Variants in SLC39A11 observed in about 807,000 individuals in gnomAD.
The protein encoded by SLC39A11 is solute carrier family 39 member 11.
Under a neutral mutation model 36.1 loss-of-function variants are expected in SLC39A11, and 33 were observed. The ratio of observed to expected loss-of-function variants is 0.91; its 90% CI spans 0.69 to 1.22. The LOEUF is 1.22. Ranked by LOEUF, SLC39A11 falls within the 50% of genes most tolerant of loss-of-function variation. The pLI is 0.00. For missense variants in SLC39A11, 432 were observed against 430.3 expected (o/e 1.00, Z -0.03); for synonymous variants, 166 against 170.3 (o/e 0.97, Z 0.20).
chr17:72,666,344 A>C (rs912361277), intron 7 of SLC39A11, among the ~76,000 whole-genome samples: 1 of 152,212 alleles, frequency 6.6e-6, no homozygotes, highest in Non-Finnish European at 1.5e-5. Flanking sequence ...CCACTCCAAG[A>C]GGAAACTCCA....
At chr17:72,821,066 T>C (rs745582414) in intron 6 of SLC39A11, among the ~76,000 whole-genome samples, 3 of 151,088 alleles carry the variant, frequency 2.0e-5, no homozygotes, top group Non-Finnish European at 4.4e-5. Context: ...CAGATTAATA[T>C]GTAGATGTCC....
intron 6 of SLC39A11, among the ~76,000 whole-genome samples, chr17:72,819,583 A>C (rs2077697854): frequency 6.6e-6 from 1 of 151,248 alleles, no homozygotes; most frequent in Admixed American, 6.6e-5. Context: ...ACTAAGAGCG[A>C]GTGAAGGTGA....
At chr17:72,984,387 A>G (rs2088560332) in intron 4 of SLC39A11, among the ~76,000 whole-genome samples, 1 of 152,078 alleles carries the variant, frequency 6.6e-6, no homozygotes, top group African/African-American at 2.4e-5. Context: ...TTAAAAAAAA[A>G]AAAAAAGAAA....
intron 7 of SLC39A11, 46 bp from the exon 8 acceptor site, chr17:72,649,314 G>C (rs943165708): frequency 6.4e-7 from 1 of 1,564,926 alleles, no homozygotes; most frequent in South Asian, 1.1e-5. Context: ...TGGAATAGGT[G>C]CTCACACAAT....
chr17:72,773,644 T>TCAC (rs1555667365), intron 6 of SLC39A11, among the ~76,000 whole-genome samples: 3 of 78,814 alleles, frequency 3.8e-5, no homozygotes, highest in Non-Finnish European at 7.5e-5. Context: ...GAGACCATCT[T>TCAC]ACACACACAC....
intron 3 of SLC39A11, chr17:73,073,851 A>G (rs1286420086): frequency 6.6e-6 from 1 of 152,174 alleles, no homozygotes; most frequent in Non-Finnish European, 1.5e-5. Context: ...GAGAAAAACC[A>G]TAGCTCAGAG....
chr17:72,782,769 G>C (rs2076365817), intron 6 of SLC39A11, among the ~76,000 whole-genome samples: 1 of 150,138 alleles, frequency 6.7e-6, no homozygotes. Flanking sequence ...GGGAGGCCAA[G>C]GCGGGTGGAT....
rs528879636 is a variant in SLC39A11, at chr17:72,970,058, C to G, written c.307-22183G>C. On this transcript the variant is annotated intron_variant, in intron 4 of 9. Transcript: ENST00000255559. ...TTCCCAGCATCCCCAGAGCACTTAT[C>G]TTTTGTTCCAAAAAAATGTTAATAG... is the stretch of plus-strand genomic sequence containing the variant. Among the ~76,000 whole-genome samples the G allele has an allele frequency of 5.9e-5, 9 of 152,308 alleles. No homozygotes were observed. In the South Asian group the frequency reaches 1.9e-3, roughly 32 times the overall value.
chr17:72,806,726 G>T (rs2077269353), intron 6 of SLC39A11, among the ~76,000 whole-genome samples: 1 of 152,156 alleles, frequency 6.6e-6, no homozygotes, highest in Non-Finnish European at 1.5e-5. Context: ...GGGATTACAG[G>T]CGCCCGTCAC....
chr17:73,061,483 A>G (rs9915000), intron 3 of SLC39A11, among the ~76,000 whole-genome samples: 126,900 of 152,212 alleles, frequency 0.83, 53,150 homozygotes, highest in East Asian at 0.94. Context: ...AAGTCAGTTG[A>G]TTGTGAAATT....
chr17:72,874,952 A>G (rs2080818882), intron 5 of SLC39A11, among the ~76,000 whole-genome samples: 1 of 152,200 alleles, frequency 6.6e-6, no homozygotes. Context: ...AAGCTAAAGA[A>G]TATTACAGTG....
chr17:72,841,070 A>AAAAATAT (rs1467839704), intron 6 of SLC39A11, among the ~76,000 whole-genome samples: 1 of 152,096 alleles, frequency 6.6e-6, no homozygotes, highest in Admixed American at 6.5e-5. Flanking sequence ...ATAAAAAATA[A>AAAAATAT]AAAATTAGGA....
In SLC39A11 at chr17:73,053,055, G is replaced by C. The variant is rs117207291; in HGVS notation, c.148-21341C>G. ...CTTAATGTATTCTAATCTTTTTCTT[G>C]TTATGTTGGTGGTTACATATTACTC... On this transcript the variant is annotated intron_variant, in intron 3 of 9. Coordinates refer to ENST00000255559, the MANE Select transcript of SLC39A11 (RefSeq NM_139177.4). 2.7e-3 allele frequency among the ~76,000 whole-genome samples: 404 copies of C among 152,102 alleles called. 5 individuals are homozygous for C. In the East Asian group the frequency reaches 0.038, roughly 14 times the overall value.
intron 5 of SLC39A11, among the ~76,000 whole-genome samples, chr17:72,858,326 T>G (rs1266934464): frequency 2.0e-5 from 3 of 152,238 alleles, no homozygotes; most frequent in African/African-American, 7.2e-5. Context: ...TTCTGTTCCA[T>G]TAGTCTATGT....
chr17:72,805,257 C>T (rs1187970605), intron 6 of SLC39A11, among the ~76,000 whole-genome samples: 1 of 152,154 alleles, frequency 6.6e-6, no homozygotes, highest in Non-Finnish European at 1.5e-5. Flanking sequence ...CTACTTCCAT[C>T]CTATGTAATC....
At position 72,852,186 on chromosome 17, in the gene SLC39A11, C is replaced by T. The variant is rs1179858997; in HGVS notation, c.431-2382G>A. On this transcript the variant is annotated intron_variant, in intron 5 of 9. Coordinates refer to ENST00000255559, the MANE Select transcript of SLC39A11 (RefSeq NM_139177.4). ...CGCGGCTGCACTCCAGCCTGGGCAA[C>T]AGAGCAAGACTCCGTCTCAAAAAAA... Among the ~76,000 whole-genome samples the T allele has an allele frequency of 6.8e-5, 5 of 73,756 alleles. No homozygotes were observed. The Admixed American group carries it at 1.1e-3, about 17-fold the overall frequency. 48.4% of individuals were successfully genotyped at this position (73,756 alleles called of 152,430 possible). A position where few individuals can be genotyped will look rare whatever the true frequency, so the allele number is the denominator to read the frequency against.
intron 4 of SLC39A11, among the ~76,000 whole-genome samples, chr17:72,998,635 T>C (rs936560000): frequency 5.8e-4 from 88 of 152,190 alleles, no homozygotes; most frequent in African/African-American, 2.1e-3. Flanking sequence ...GGAAGAAGAC[T>C]GGCAGCCTAG....
At chr17:72,792,847 T>C (rs1417944072) in intron 6 of SLC39A11, among the ~76,000 whole-genome samples, 2 of 152,158 alleles carry the variant, frequency 1.3e-5, no homozygotes, top group African/African-American at 4.8e-5. Flanking sequence ...ACATAAACAC[T>C]GCCCATTGTG....
At chr17:72,830,681 C>T (rs969730100) in intron 6 of SLC39A11, among the ~76,000 whole-genome samples, 2 of 152,134 alleles carry the variant, frequency 1.3e-5, no homozygotes, top group Non-Finnish European at 2.9e-5. Context: ...CTAAACAAAT[C>T]AGGGCAGAGC....
Sources: allele counts gnomAD v4.1 joint callset (sites outside exome capture counted in the v4.1 genomes callset), GRCh38; gene constraint gnomAD v4.1.1; transcripts MANE v1.5; gene names NCBI Gene and HGNC (gene_info 2026-07-23, HGNC 2026-07-21).